MEGF8: variants seen among roughly 807,000 people sequenced by gnomAD.
MEGF8 encodes the protein multiple epidermal growth factor-like domains protein 8.
MEGF8 carries 156 observed loss-of-function variants against 302.9 expected under a neutral mutation model. The ratio of observed to expected loss-of-function variants is 0.52; its 90% confidence interval spans 0.45 to 0.59. MEGF8 has a LOEUF of 0.59. Ranked by LOEUF, MEGF8 falls within the 20% of genes least tolerant of loss-of-function variation. MEGF8 has a pLI of 0.00. For synonymous variants in MEGF8, 1,621 were observed against 1,660.5 expected, an observed-to-expected ratio of 0.98 and a Z score of 0.58; for missense variants, 3,345 against 3,964.5, an observed-to-expected ratio of 0.84 and a Z score of 4.20.
At chr19:42,341,708 A>G (rs927264121) in intron 8 of MEGF8, among the ~76,000 whole-genome samples, 2 of 152,100 alleles carry the variant, frequency 1.3e-5, no homozygotes, top group African/African-American at 4.8e-5. Flanking sequence ...CAGCCTCCCA[A>G]CGTGCTGTGA....
In MEGF8 at chr19:42,378,531, C is replaced by G. The variant is rs2039798045; in HGVS notation, c.*1756C>G. On this transcript the variant is annotated 3_prime_UTR_variant, in exon 42 of 42. Transcript: ENST00000251268. ...TGAGCCACCTCCTTGGACTCCTGTC[C>G]TCTACCCCTTGAGGACCTCCCTCCC... 2 of 153,900 alleles carry G rather than the reference C, an allele frequency of 1.3e-5. No individual in the cohort carries two copies. Among genetic ancestry groups the G allele is most frequent in the Non-Finnish European group, 2.9e-5 (2 of 68,180 alleles). 9.5% of individuals were successfully genotyped at this position (153,900 alleles called of 1,614,324 possible). A position where few individuals can be genotyped will look rare whatever the true frequency, so the allele number is the denominator to read the frequency against.
At position 42,344,542 on chromosome 19, in the gene MEGF8, C is replaced by G. The variant is rs377040375; in HGVS notation, c.1890C>G (p.Thr630=). Residue 630 remains threonine, a synonymous_variant, in exon 11 of 42, where the codon ACC becomes ACG. Coordinates refer to ENST00000251268, the MANE Select transcript of MEGF8 (RefSeq NM_001271938.2). This position sits in a 1 kb window ranked among gnomAD's most constrained non-coding sequence, Gnocchi z 4.5. ...SPTAPPRGPG[T]LGWCVHNESC... is the part of the protein sequence containing the mutation. The stretch of plus-strand genomic sequence containing the variant: ...CAGCCCCTCCACGGGGACCTGGCAC[C>G]CTGGGCTGGTGCGTGCACAATGAGA... The G allele has an allele frequency of 1.5e-5, 24 of 1,600,242 alleles. No individual in the cohort carries two copies. Among genetic ancestry groups the G allele is most frequent in the Non-Finnish European group, 2.0e-5 (23 of 1,178,984 alleles).
rs201858033 is a variant in MEGF8, at chr19:42,368,656, C to G, written c.6475C>G (p.Arg2159Gly). The G allele has an allele frequency of 3.6e-5, 56 of 1,543,978 alleles. No individual in the cohort carries two copies. Among genetic ancestry groups the G allele is most frequent in the Non-Finnish European group, 4.8e-5 (55 of 1,144,978 alleles). ...RCMEGGLSGP[R>G]DGLTCGRPGA... is the part of the protein sequence containing the mutation. ...CATGGAGGGTGGACTCAGCGGCCCC[C>G]GTGATGGTGAGAGGGCTTTGGGCAC... is the stretch of plus-strand genomic sequence containing the variant. Residue 2159 changes from arginine to glycine, a missense_variant, in exon 36 of 42, where the codon CGT becomes GGT. Coordinates refer to ENST00000251268, the MANE Select transcript of MEGF8 (RefSeq NM_001271938.2). This position sits in a 1 kb window ranked among gnomAD's most constrained non-coding sequence, Gnocchi z 4.9.
At position 42,356,960 on chromosome 19, in the gene MEGF8, C is replaced by T. The variant is rs1481274404; in HGVS notation, c.4809C>T (p.Thr1603=). Residue 1603 remains threonine (T), a synonymous_variant, in exon 27 of 42, where the codon ACC becomes ACT. Coordinates refer to ENST00000251268, the MANE Select transcript of MEGF8 (RefSeq NM_001271938.2). The surrounding 1 kb of genome is among the most constrained non-coding windows in gnomAD (Gnocchi z 5.2). ...TRDFWVLNLT[T]LQWRQEKAPQ... ...ATTTCTGGGTCCTCAACCTCACCAC[C>T]CTGCAATGGCGGCAGGAGAAGGTGA... 6.2e-7 allele frequency: 1 copy of T among 1,606,614 alleles called. No individual in the cohort carries two copies. Among genetic ancestry groups the T allele is most frequent in the Non-Finnish European group, 8.5e-7 (1 of 1,176,964 alleles).
intron 3 of MEGF8, 62 bp downstream of exon 3, chr19:42,334,275 C>A (rs2039093869): frequency 3.5e-6 from 5 of 1,442,386 alleles, no homozygotes; most frequent in Admixed American, 2.2e-5. Flanking sequence ...GCCTCCACGC[C>A]CATCTCCTAG....
In MEGF8 at chr19:42,336,857, T is replaced by A; in HGVS notation, c.1295T>A (p.Val432Glu). Reference protein sequence around the residue: ...STELFHVDRHVWTTLKGRDGL... With the variant: ...STELFHVDRHEWTTLKGRDGL... ...GAGCTTTTCCACGTGGATCGGCATG[T>A]GTGGACGACGCTGAAGGGGCGGGAT... The change falls in exon 7 of 42, where the codon GTG (valine) becomes GAG (glutamate). Residue 432 changes from valine (V) to glutamate (E), a missense_variant. Coordinates refer to ENST00000251268, the MANE Select transcript of MEGF8 (RefSeq NM_001271938.2). This position sits in a 1 kb window ranked among gnomAD's most constrained non-coding sequence, Gnocchi z 4.8. The A allele has an allele frequency of 6.2e-7, 1 of 1,611,480 alleles. No individual in the cohort carries two copies. The highest frequency in any genetic ancestry group is 1.1e-5 in the South Asian group (1 of 90,986).
At chr19:42,341,429 C>CAAAAA (rs35096733) in intron 8 of MEGF8, among the ~76,000 whole-genome samples, 2 of 56,982 alleles carry the variant, frequency 3.5e-5, no homozygotes, top group East Asian at 4.9e-4. Context: ...ACTCCATCTC[C>CAAAAA]AAAAAAAAAA....
In MEGF8 at chr19:42,374,790, C is replaced by T. The variant is rs375935944; in HGVS notation, c.7270-717C>T. Among the ~76,000 whole-genome samples the T allele has an allele frequency of 3.9e-4, 59 of 152,222 alleles. 1 individual carries two copies. Among genetic ancestry groups the T allele is most frequent in the African/African-American group, 1.4e-3 (57 of 41,528 alleles). Reference sequence around the variant, plus strand: ...TGCTCGTGTGTTAGACAGCGAGGAGCGCTAAGGAAAGTTAAGTAGGAAGCG... The same window carrying T: ...TGCTCGTGTGTTAGACAGCGAGGAGTGCTAAGGAAAGTTAAGTAGGAAGCG... On this transcript the variant is annotated intron_variant, in intron 41 of 41. Coordinates refer to ENST00000251268, the MANE Select transcript of MEGF8 (RefSeq NM_001271938.2).
Position 42,343,939 on chromosome 19 carries a change from C to T in MEGF8, c.1669-15C>T. On this transcript the variant is annotated splice_polypyrimidine_tract_variant and intron_variant, in intron 9 of 41. Transcript: ENST00000251268. Reference sequence around the variant, plus strand: ...GTCCCCTTGCCTCCCCCTCTGTCCCCTTGCCTCCCTGCAGTACCACTTGGA... The same window carrying T: ...GTCCCCTTGCCTCCCCCTCTGTCCCTTTGCCTCCCTGCAGTACCACTTGGA... The T allele has an allele frequency of 6.2e-7, 1 of 1,611,658 alleles. No homozygotes were observed. Among genetic ancestry groups the T allele is most frequent in the African/African-American group, 1.3e-5 (1 of 74,954 alleles).
At chr19:42,346,028 G>T (rs1226279314) in intron 12 of MEGF8, among the ~76,000 whole-genome samples, 1 of 152,130 alleles carries the variant, frequency 6.6e-6, no homozygotes, top group East Asian at 1.9e-4. Flanking sequence ...AGCCTGCTGA[G>T]TAGCTGGAAC....
intron 12 of MEGF8, among the ~76,000 whole-genome samples, chr19:42,345,338 C>T (rs1438293928): frequency 6.6e-6 from 1 of 152,248 alleles, no homozygotes; most frequent in African/African-American, 2.4e-5. Flanking sequence ...TCATCAGTGA[C>T]ATTTAGCACA....
intron 41 of MEGF8, among the ~76,000 whole-genome samples, chr19:42,372,769 T>C (rs1341272841): frequency 6.6e-6 from 1 of 151,916 alleles, no homozygotes; most frequent in Admixed American, 6.6e-5. Context: ...ACCTCCTGGG[T>C]TCAAGTGATT....
chr19:42,330,843 G>A (rs769913434), intron 1 of MEGF8, among the ~76,000 whole-genome samples: 9 of 152,152 alleles, frequency 5.9e-5, no homozygotes, highest in Non-Finnish European at 1.5e-5. Context: ...GCCTGGTGGT[G>A]GGAAGGGATA....
rs1309901631 is a variant in MEGF8, at chr19:42,368,868, C to G, written c.6507C>G (p.Ala2169=). The G allele has an allele frequency of 1.7e-5, 28 of 1,613,716 alleles. No individual in the cohort carries two copies. The highest frequency in any genetic ancestry group is 2.3e-5 in the Non-Finnish European group (27 of 1,179,852). ...RDGLTCGRPG[A]SWAFLSCPPE... Reference sequence around the variant, plus strand: ...GGCTGACATGTGGGCGTCCGGGGGCCTCCTGGGCCTTCCTGTCCTGCCCCC... The same window carrying G: ...GGCTGACATGTGGGCGTCCGGGGGCGTCCTGGGCCTTCCTGTCCTGCCCCC... The change falls in exon 37 of 42, where the codon GCC becomes GCG. Residue 2169 remains alanine (A), a synonymous_variant. Coordinates refer to ENST00000251268, the MANE Select transcript of MEGF8 (RefSeq NM_001271938.2). This position sits in a 1 kb window ranked among gnomAD's most constrained non-coding sequence, Gnocchi z 4.9.
At chr19:42,332,159 G>C (rs2039063757) in intron 1 of MEGF8, among the ~76,000 whole-genome samples, 1 of 152,158 alleles carries the variant, frequency 6.6e-6, no homozygotes, top group Non-Finnish European at 1.5e-5. Flanking sequence ...ACCCCACTCT[G>C]TTGTCACCAT....
In MEGF8 at chr19:42,343,566, C is replaced by A. The variant is rs758529363; in HGVS notation, c.1603C>A (p.Arg535=). Residue 535 remains arginine (R), a synonymous_variant, in exon 9 of 42, where the codon CGG becomes AGG. Transcript: ENST00000251268. The part of the protein sequence containing the change: ...VLLVAGGYSG[R]PRGDLMAYKV... Reference sequence around the variant, plus strand: ...GTTGGTGGCTGGGGGGTACAGCGGCCGGCCCCGTGGGGACTTGATGGCGTA... The same window carrying A: ...GTTGGTGGCTGGGGGGTACAGCGGCAGGCCCCGTGGGGACTTGATGGCGTA... The A allele has an allele frequency of 6.2e-7, 1 of 1,613,272 alleles. No homozygotes were observed. The highest frequency in any genetic ancestry group is 8.5e-7 in the Non-Finnish European group (1 of 1,179,728).
rs1355207534 is a variant in MEGF8, at chr19:42,377,390, G to C, written c.*615G>C. 1.3e-5 allele frequency: 2 copies of C among 152,800 alleles called. No homozygotes were observed. Among genetic ancestry groups the C allele is most frequent in the Non-Finnish European group, 2.9e-5 (2 of 68,148 alleles). The allele number at this position is 152,800 out of a possible 1,614,324, so 9.5% of individuals were successfully genotyped here. A position where few individuals can be genotyped will look rare whatever the true frequency, so the allele number is the denominator to read the frequency against. ...GATAGTCAGGGGCTGGATCACCCAG[G>C]GCCTTGTGGGCCCCACATAGGGTTT... On this transcript the variant is annotated 3_prime_UTR_variant, in exon 42 of 42. Coordinates refer to ENST00000251268, the MANE Select transcript of MEGF8 (RefSeq NM_001271938.2).
rs1179821883 is a variant in MEGF8 at position 42,354,063 on chromosome 19, A to G, written c.4011+39A>G. On this transcript the variant is annotated intron_variant, in intron 22 of 41. Coordinates refer to ENST00000251268, the MANE Select transcript of MEGF8 (RefSeq NM_001271938.2). The surrounding 1 kb of genome is among the most constrained non-coding windows in gnomAD (Gnocchi z 4.3). ...AAACGAGGGTTCAGGCGCATGAGCC[A>G]GAACCGTGTCCCCTGACCCAGCCTG... is the stretch of plus-strand genomic sequence containing the variant. 6.4e-7 allele frequency: 1 copy of G among 1,562,378 alleles called. No homozygotes were observed. Among genetic ancestry groups the G allele is most frequent in the Admixed American group, 1.8e-5 (1 of 54,866 alleles).
chr19:42,363,266 C>T lies in MEGF8; in HGVS notation c.6273+4C>T, dbSNP rs746227960. On this transcript the variant is annotated splice_donor_region_variant and intron_variant, in intron 35 of 41. Transcript: ENST00000251268. ...TTGGAGCAGCAGCCTGCAGCAGGTA[C>T]TGCACCTGGCCAGGACCGTGCCAGG... The T allele has an allele frequency of 3.8e-6, 6 of 1,584,454 alleles. No homozygotes were observed. The highest frequency in any genetic ancestry group is 4.3e-6 in the Non-Finnish European group (5 of 1,165,444).
Sources: gnomAD v4.1 joint callset for allele counts (sites outside exome capture counted in the v4.1 genomes callset) on GRCh38, gnomAD v4.1.1 for gene constraint, Gnocchi (gnomAD v3.1) non-coding constraint, MANE v1.5 for transcripts, NCBI Gene and HGNC (gene_info 2026-07-23, HGNC 2026-07-21) for gene names.